The following ANO10 variants were observed in gnomAD, a reference collection of about 807,000 sequenced individuals.
The protein encoded by ANO10 is anoctamin 10.
A neutral mutation model predicts 74.7 loss-of-function variants in ANO10; 77 were observed. That is an observed-to-expected ratio of 1.03 (90% CI 0.86 to 1.25). The LOEUF (loss-of-function observed/expected upper bound fraction) is 1.25. ANO10 is among the 50% of genes most tolerant of loss of function. The pLI is 0.00. For synonymous variants in ANO10, 279 were observed against 284.9 expected (o/e 0.98, Z 0.21); for missense variants, 721 against 778.1 (o/e 0.93, Z 0.87).
At chr3:43,606,537 T>C (rs1010801574) in intron 1 of ANO10, among the ~76,000 whole-genome samples, 2 of 151,680 alleles carry the variant, frequency 1.3e-5, no homozygotes, top group Non-Finnish European at 2.9e-5. Flanking sequence ...TAGGGGGCCA[T>C]TAAAGGAGTC....
At chr3:43,553,464 C>T (rs769092310) in intron 10 of ANO10, among the ~76,000 whole-genome samples, 1 of 151,962 alleles carries the variant, frequency 6.6e-6, no homozygotes, top group Non-Finnish European at 1.5e-5. Context: ...TTTTTTATAC[C>T]CCCACAGGTC....
At chr3:43,612,589 A>T (rs547010650) in intron 1 of ANO10, among the ~76,000 whole-genome samples, 1 of 152,304 alleles carries the variant, frequency 6.6e-6, no homozygotes, top group South Asian at 2.1e-4. Flanking sequence ...ATTCTCAACC[A>T]GGGCAATTTT....
chr3:43,485,662 C>A, intron 11 of ANO10: 2 of 179,774 alleles, frequency 1.1e-5, no homozygotes. Flanking sequence ...AAGTTCTTCA[C>A]CCGCAGTGGG....
intron 1 of ANO10, among the ~76,000 whole-genome samples, chr3:43,611,688 C>A (rs2082824645): frequency 6.6e-6 from 1 of 152,134 alleles, no homozygotes; most frequent in South Asian, 2.1e-4. Context: ...AGCAGGCATG[C>A]AACAAATGGT....
chr3:43,451,651 G>C (rs1394257478), intron 11 of ANO10, among the ~76,000 whole-genome samples: 1 of 152,140 alleles, frequency 6.6e-6, no homozygotes, highest in Non-Finnish European at 1.5e-5. Flanking sequence ...AGGAGGATTT[G>C]CAAAAGAAAT....
chr3:43,667,072 GTTTTTTTTT>G (rs55764466), intron 1 of ANO10, among the ~76,000 whole-genome samples: 3 of 56,124 alleles, frequency 5.3e-5, no homozygotes, highest in Non-Finnish European at 6.3e-5. Context: ...TACAATGCAT[GTTTTTTTTT>G]TTTTTTTTTT....
chr3:43,605,130 A>G (rs1157294852), intron 2 of ANO10, among the ~76,000 whole-genome samples: 2 of 152,178 alleles, frequency 1.3e-5, no homozygotes, highest in Non-Finnish European at 2.9e-5. Flanking sequence ...GAGAAAGCTA[A>G]ACCTTGGCAT....
chr3:43,634,210 C>G (rs1199754191), intron 1 of ANO10, among the ~76,000 whole-genome samples: 1 of 152,066 alleles, frequency 6.6e-6, no homozygotes, highest in African/African-American at 2.4e-5. Context: ...CAGAAGTATA[C>G]TCTACAGCCT....
intron 4 of ANO10, among the ~76,000 whole-genome samples, chr3:43,591,560 C>A (rs1462367740): frequency 1.3e-5 from 2 of 152,186 alleles, no homozygotes; most frequent in East Asian, 3.9e-4. Context: ...AAAGATCCAC[C>A]AGTAGCACCT....
In ANO10 at chr3:43,436,851, C is replaced by T. The variant is rs770659412; in HGVS notation, c.1798-4124G>A. 1.4e-3 allele frequency among the ~76,000 whole-genome samples: 218 copies of T among 152,174 alleles called. 2 individuals carry two copies. Among genetic ancestry groups the T allele is most frequent in the Non-Finnish European group, 8.7e-4 (59 of 68,036 alleles). On this transcript the variant is annotated intron_variant, in intron 11 of 12. Transcript: ENST00000292246. ...GTGTTTTGTAGTAATATGTCCCCAA[C>T]CCTGTCTCTAATGAAACAGAAAATG...
At chr3:43,516,669 A>G (rs2077725581) in intron 11 of ANO10, among the ~76,000 whole-genome samples, 1 of 152,190 alleles carries the variant, frequency 6.6e-6, no homozygotes, top group Non-Finnish European at 1.5e-5. Context: ...ATAAGACATG[A>G]CAGCAGTGGC....
At chr3:43,403,065 C>T (rs2092511803) in intron 12 of ANO10, among the ~76,000 whole-genome samples, 1 of 152,214 alleles carries the variant, frequency 6.6e-6, no homozygotes, top group Non-Finnish European at 1.5e-5. Context: ...GCATCCTTCT[C>T]AGTGCTCAAG....
intron 1 of ANO10, among the ~76,000 whole-genome samples, chr3:43,634,642 G>A (rs75517285): frequency 6.6e-6 from 1 of 152,146 alleles, no homozygotes; most frequent in Non-Finnish European, 1.5e-5. Flanking sequence ...TTCATCCAGT[G>A]CCTTTCGGAA....
intron 7 of ANO10, among the ~76,000 whole-genome samples, chr3:43,566,619 G>A (rs1443341123): frequency 6.6e-6 from 1 of 152,180 alleles, no homozygotes; most frequent in Non-Finnish European, 1.5e-5. Context: ...ACCTGAAGCT[G>A]AGGGTCCTGT....
chr3:43,570,388 C>T (rs1395278391), intron 7 of ANO10, among the ~76,000 whole-genome samples: 1 of 151,858 alleles, frequency 6.6e-6, no homozygotes, highest in East Asian at 1.9e-4. Flanking sequence ...CAACCCTAAG[C>T]CAAAAGAACA....
chr3:43,537,044 C>A (rs1400790798), intron 11 of ANO10, among the ~76,000 whole-genome samples: 1 of 147,068 alleles, frequency 6.8e-6, no homozygotes, highest in Non-Finnish European at 1.5e-5. Context: ...TACTCTGAGT[C>A]CTTGGCAACC....
rs143897042 is a variant in ANO10, at chr3:43,565,627, G to T, written c.1293+26C>A. ...AACCACCTCTATGACCTAAAAAATT[G>T]GTATTTTTCTGTTATTTTTACTTAC... On this transcript the variant is annotated intron_variant, in intron 8 of 12. Transcript: ENST00000292246. 5 of 1,529,682 alleles carry T rather than the reference G, an allele frequency of 3.3e-6. No individual in the cohort carries two copies. The African/African-American group carries it at 4.2e-5, about 13-fold the overall frequency. 94.8% of individuals were successfully genotyped at this position (1,529,682 alleles called of 1,614,324 possible).
intron 11 of ANO10, among the ~76,000 whole-genome samples, chr3:43,543,591 T>C (rs372514301): frequency 9.9e-5 from 15 of 152,254 alleles, no homozygotes; most frequent in African/African-American, 3.6e-4. Flanking sequence ...GGTTTCACCG[T>C]GTTAGCCAGG....
At chr3:43,599,472 C>T (rs2082236470) in intron 3 of ANO10, among the ~76,000 whole-genome samples, 1 of 152,140 alleles carries the variant, frequency 6.6e-6, no homozygotes, top group Admixed American at 6.5e-5. Context: ...TACTGAACTA[C>T]TACTGTATTT....
Sources: allele counts gnomAD v4.1 joint callset (sites outside exome capture counted in the v4.1 genomes callset), GRCh38; gene constraint gnomAD v4.1.1; transcripts MANE v1.5; gene names NCBI Gene and HGNC (gene_info 2026-07-23, HGNC 2026-07-21).